SH3PXD2A: variants seen among roughly 807,000 people sequenced by gnomAD.
The protein encoded by SH3PXD2A is SH3 and PX domains 2A, also known as SH3 and PX domain-containing protein 2A.
In SH3PXD2A, 32 loss-of-function variants were observed where a neutral mutation model predicts 115.2. The observed-to-expected ratio is 0.28, with a 90% CI of 0.21 to 0.37. The LOEUF is 0.37. Among genes scored for constraint, SH3PXD2A ranks in the 10% least tolerant of loss-of-function variants. SH3PXD2A has a pLI of 1.00. For missense variants in SH3PXD2A, 1,328 were observed against 1,498.7 expected (o/e 0.89, Z 1.88); for synonymous variants, 610 against 629.1 (o/e 0.97, Z 0.45).
At chr10:103,747,565 C>T (rs1199927087) in intron 3 of SH3PXD2A, among the ~76,000 whole-genome samples, 2 of 152,178 alleles carry the variant, frequency 1.3e-5, no homozygotes, top group Non-Finnish European at 2.9e-5. Flanking sequence ...CAGAGAAACA[C>T]TGCAGAATGG....
intron 5 of SH3PXD2A, among the ~76,000 whole-genome samples, chr10:103,705,671 C>G (rs2037971982): frequency 6.6e-6 from 1 of 152,228 alleles, no homozygotes; most frequent in Non-Finnish European, 1.5e-5. Context: ...CTAACCACCA[C>G]ACTGTTCATT....
intron 8 of SH3PXD2A, among the ~76,000 whole-genome samples, chr10:103,638,753 A>T (rs1479424841): frequency 6.6e-6 from 1 of 152,284 alleles, no homozygotes; most frequent in East Asian, 1.9e-4. Context: ...GTGCCTTCAG[A>T]CGAGCACAAG....
In SH3PXD2A at chr10:103,602,308, G is replaced by A. The variant is rs1390786040; in HGVS notation, c.2910C>T (p.Asn970=). Residue 970 remains asparagine (N), a synonymous_variant, in exon 15 of 15, where the codon AAC becomes AAT. Coordinates refer to ENST00000369774, the MANE Select transcript of SH3PXD2A (RefSeq NM_001394015.1). ...TSGTPAVKMR[N]GVRQVAVRPQ... ...GCCTGACCGCCACCTGCCGCACTCC[G>A]TTCCTCATCTTCACCGCTGGAGTGC... 2.0e-5 allele frequency: 33 copies of A among 1,613,594 alleles called. No individual in the cohort carries two copies. Among genetic ancestry groups the A allele is most frequent in the Admixed American group, 1.2e-4 (7 of 59,974 alleles).
At chr10:103,782,737 C>G (rs555899598) in intron 2 of SH3PXD2A, among the ~76,000 whole-genome samples, 26 of 150,652 alleles carry the variant, frequency 1.7e-4, no homozygotes, top group African/African-American at 5.9e-4. Flanking sequence ...GTGGCTCATC[C>G]CTGTAATCCC....
intron 7 of SH3PXD2A, among the ~76,000 whole-genome samples, chr10:103,663,784 G>T (rs2037345826): frequency 1.3e-5 from 2 of 152,260 alleles, no homozygotes; most frequent in South Asian, 4.1e-4. Context: ...TCCAGGGAAA[G>T]AAACCCACTG....
intron 3 of SH3PXD2A, chr10:103,755,479 G>A (rs956638976): frequency 6.6e-6 from 1 of 152,216 alleles, no homozygotes; most frequent in African/African-American, 2.4e-5. Context: ...TGCCCAGACT[G>A]GTCTCGAACT....
At chr10:103,775,843 C>G (rs541644369) in intron 2 of SH3PXD2A, among the ~76,000 whole-genome samples, 1 of 152,266 alleles carries the variant, frequency 6.6e-6, no homozygotes, top group African/African-American at 2.4e-5. Flanking sequence ...AAGTCATTTT[C>G]AGAACCCAGC....
intron 2 of SH3PXD2A, among the ~76,000 whole-genome samples, chr10:103,796,220 A>C (rs529725096): frequency 6.6e-6 from 1 of 151,748 alleles, no homozygotes; most frequent in African/African-American, 2.4e-5. Context: ...AAAATTAGCT[A>C]GTCATAGTGG....
At chr10:103,733,433 C>T (rs2038346648) in intron 4 of SH3PXD2A, among the ~76,000 whole-genome samples, 1 of 152,198 alleles carries the variant, frequency 6.6e-6, no homozygotes, top group Non-Finnish European at 1.5e-5. Context: ...TATGCCCCCT[C>T]CTCCATTAGC....
intron 5 of SH3PXD2A, among the ~76,000 whole-genome samples, chr10:103,708,330 C>A (rs1403505217): frequency 6.6e-6 from 1 of 152,204 alleles, no homozygotes; most frequent in African/African-American, 2.4e-5. Flanking sequence ...ACCTTCCCTG[C>A]GGCTGCCAGG....
rs570434684 is a variant in SH3PXD2A at position 103,770,742 on chromosome 10, G to C, written c.154-3573C>G. 2.0e-5 allele frequency among the ~76,000 whole-genome samples: 3 copies of C among 152,258 alleles called. No individual in the cohort carries two copies. In the East Asian group the frequency reaches 5.8e-4, roughly 29 times the overall value. On this transcript the variant is annotated intron_variant, in intron 2 of 14. Transcript: ENST00000369774. The stretch of plus-strand genomic sequence containing the variant: ...TGACTGACAGGGGGACCAGCTCCGG[G>C]GCTCTGCTGGCTTATCCTGGTGGTG...
intron 8 of SH3PXD2A, among the ~76,000 whole-genome samples, chr10:103,636,807 C>T (rs1157790481): frequency 6.6e-6 from 1 of 152,184 alleles, no homozygotes; most frequent in Admixed American, 6.5e-5. Flanking sequence ...CGTCCTCCCG[C>T]TCTGACTCCC....
intron 6 of SH3PXD2A, chr10:103,678,096 T>G: frequency 2.3e-6 from 3 of 1,286,702 alleles, no homozygotes; most frequent in Non-Finnish European, 3.0e-6. Flanking sequence ...AGCAGTACAG[T>G]CTCTGGCAGG....
chr10:103,806,638 T>C (rs1564893892), intron 1 of SH3PXD2A, among the ~76,000 whole-genome samples: 1 of 152,212 alleles, frequency 6.6e-6, no homozygotes, highest in Non-Finnish European at 1.5e-5. Context: ...AAGAAAAGTT[T>C]GGCAATTAAA....
chr10:103,616,614 C>T (rs954563518), intron 11 of SH3PXD2A, among the ~76,000 whole-genome samples: 1 of 152,234 alleles, frequency 6.6e-6, no homozygotes, highest in African/African-American at 2.4e-5. Context: ...AAGGAAGAAG[C>T]CTCCGATGGC....
rs116676857 is a variant in SH3PXD2A at position 103,682,444 on chromosome 10, A to G, written c.427+10584T>C. ...TCAGGCTGAGGACCCAGAGCCATGCAAATAAAAACTGTTTAAAAACACCAG... is the reference window on the plus strand; with the variant it reads ...TCAGGCTGAGGACCCAGAGCCATGCGAATAAAAACTGTTTAAAAACACCAG... On this transcript the variant is annotated intron_variant, in intron 6 of 14. Coordinates refer to ENST00000369774, the MANE Select transcript of SH3PXD2A (RefSeq NM_001394015.1). Among the ~76,000 whole-genome samples, 829 of 152,322 alleles carry G rather than the reference A, an allele frequency of 5.4e-3. 12 individuals are homozygous for G. The highest frequency in any genetic ancestry group is 0.019 in the African/African-American group (793 of 41,572).
intron 9 of SH3PXD2A, among the ~76,000 whole-genome samples, chr10:103,625,670 T>C (rs2036680324): frequency 6.6e-6 from 1 of 152,098 alleles, no homozygotes; most frequent in South Asian, 2.1e-4. Context: ...AGGTGGCAGA[T>C]TGCTTGGGGC....
chr10:103,716,669 G>T (rs1001719490), intron 5 of SH3PXD2A, among the ~76,000 whole-genome samples: 1 of 152,138 alleles, frequency 6.6e-6, no homozygotes, highest in Non-Finnish European at 1.5e-5. Context: ...CAGTGGGCTG[G>T]TAAGAGGCCC....
chr10:103,779,677 G>A (rs1044079953), intron 2 of SH3PXD2A, among the ~76,000 whole-genome samples: 1 of 152,208 alleles, frequency 6.6e-6, no homozygotes, highest in African/African-American at 2.4e-5. Context: ...ACATCTGTGT[G>A]TGAGACAGCC....
Sources: gnomAD v4.1 joint callset for allele counts (sites outside exome capture counted in the v4.1 genomes callset) on GRCh38, gnomAD v4.1.1 for gene constraint, MANE v1.5 for transcripts, NCBI Gene and HGNC (gene_info 2026-07-23, HGNC 2026-07-21) for gene names.